The following SETD7 variants were observed in gnomAD, a reference collection of about 807,000 sequenced individuals.
SETD7 encodes histone-lysine N-methyltransferase SETD7.
A neutral mutation model predicts 41.8 loss-of-function variants in SETD7; 16 were observed. The ratio of observed to expected loss-of-function variants is 0.38; its 90% CI spans 0.26 to 0.58. The LOEUF is 0.58. Ranked by LOEUF, SETD7 falls within the 20% of genes least tolerant of loss-of-function variation. The pLI is 0.64. For missense variants in SETD7, 346 were observed against 459.7 expected, an observed-to-expected ratio of 0.75 and a Z score of 2.26; for synonymous variants, 163 against 169.7, an observed-to-expected ratio of 0.96 and a Z score of 0.31.
Position 139,511,078 on chromosome 4 carries a change from T to A in SETD7, c.*585A>T, listed in dbSNP as rs1468525359. The A allele has an allele frequency of 6.6e-6, 1 of 152,506 alleles. No individual in the cohort carries two copies. The highest frequency in any genetic ancestry group is 6.5e-5 in the Admixed American group (1 of 15,276). 9.4% of individuals were successfully genotyped at this position (152,506 alleles called of 1,614,324 possible). A position where few individuals can be genotyped will look rare whatever the true frequency, so the allele number is the denominator to read the frequency against. On this transcript the variant is annotated 3_prime_UTR_variant, in exon 8 of 8. Coordinates refer to ENST00000274031, the MANE Select transcript of SETD7 (RefSeq NM_030648.4). The stretch of plus-strand genomic sequence containing the variant: ...TTTGGAAGTTTTCTCTTGTAAAGGG[T>A]ATCTAAGAAAGAGAATAGGGCTGAG...
rs1726713896 is a variant in SETD7, at chr4:139,506,713, T to C, written c.*4950A>G. The C allele has an allele frequency of 6.6e-6, 1 of 152,634 alleles. No individual in the cohort carries two copies. Among genetic ancestry groups the C allele is most frequent in the South Asian group, 2.1e-4 (1 of 4,834 alleles). 9.5% of individuals were successfully genotyped at this position (152,634 alleles called of 1,614,324 possible). ...GACCAAAGTGGAAAAAAAACCCCAC[T>C]CAAGTTGAATATCATCATAAAGGAG... is the stretch of plus-strand genomic sequence containing the variant. On this transcript the variant is annotated 3_prime_UTR_variant, in exon 8 of 8. Coordinates refer to ENST00000274031, the MANE Select transcript of SETD7 (RefSeq NM_030648.4).
downstream of SETD7, among the ~76,000 whole-genome samples, chr4:139,494,979 T>C (rs1488395384): frequency 2.6e-5 from 4 of 152,248 alleles, no homozygotes; most frequent in Admixed American, 1.3e-4. Context: ...GTAAACATTA[T>C]ATGTAATGGC....
chr4:139,493,971 C>A (rs545011624), downstream of SETD7, among the ~76,000 whole-genome samples: 1 of 152,342 alleles, frequency 6.6e-6, no homozygotes, highest in South Asian at 2.1e-4. Context: ...GACTGCCTGC[C>A]TCCCTTGCCT....
intron 3 of SETD7, among the ~76,000 whole-genome samples, chr4:139,531,033 G>A (rs2111149552): frequency 6.6e-6 from 1 of 152,068 alleles, no homozygotes; most frequent in South Asian, 2.1e-4. Context: ...CTCCTCGTGG[G>A]GGGAGAAATC....
intron 2 of SETD7, among the ~76,000 whole-genome samples, chr4:139,539,136 C>T (rs952992215): frequency 6.6e-6 from 1 of 152,076 alleles, no homozygotes; most frequent in African/African-American, 2.4e-5. Flanking sequence ...GTTCTGGGGT[C>T]TAGGTTTTGG....
chr4:139,516,706 A>G (rs574748534), intron 7 of SETD7, among the ~76,000 whole-genome samples: 2 of 152,266 alleles, frequency 1.3e-5, no homozygotes, highest in Non-Finnish European at 2.9e-5. Context: ...TATAATTTAT[A>G]TACAGAGTAT....
At chr4:139,493,793 G>A (rs1234860920), downstream of SETD7, among the ~76,000 whole-genome samples, 1 of 152,136 alleles carries the variant, frequency 6.6e-6, no homozygotes, top group Non-Finnish European at 1.5e-5. Context: ...ACCCACCTTG[G>A]CCTCCCAGAG....
intron 1 of SETD7, among the ~76,000 whole-genome samples, chr4:139,554,009 A>C (rs1728186785): frequency 6.6e-6 from 1 of 152,208 alleles, no homozygotes; most frequent in Admixed American, 6.5e-5. Context: ...GGCACTGTGC[A>C]AGTTAGAGCC....
chr4:139,533,264 C>T lies in SETD7; in HGVS notation c.273G>A (p.Leu91=). The T allele has an allele frequency of 6.2e-7, 1 of 1,614,158 alleles. No individual in the cohort carries two copies. The highest frequency in any genetic ancestry group is 8.5e-7 in the Non-Finnish European group (1 of 1,179,986). ...TGTCATATTCCTGGGCTGGACCGTTCAGCTCTCCGTCTACATACGTGCCCT... is the reference window on the plus strand; with the variant it reads ...TGTCATATTCCTGGGCTGGACCGTTTAGCTCTCCGTCTACATACGTGCCCT... ...VLQGTYVDGE[L]NGPAQEYDTD... is the part of the protein sequence containing the mutation. Residue 91 remains leucine, a synonymous_variant, in exon 3 of 8, where the codon CTG becomes CTA. Coordinates refer to ENST00000274031, the MANE Select transcript of SETD7 (RefSeq NM_030648.4).
intron 3 of SETD7, among the ~76,000 whole-genome samples, chr4:139,530,355 CCTTTTT>C (rs1560684916): frequency 1.8e-5 from 1 of 56,868 alleles, no homozygotes; most frequent in Non-Finnish European, 3.5e-5. Context: ...CCAAATGCTG[CCTTTTT>C]TTTTTTTTTT....
Position 139,533,149 on chromosome 4 carries a change from C to G in SETD7, c.372+16G>C. The G allele has an allele frequency of 1.3e-6, 2 of 1,599,150 alleles. No homozygotes were observed. Among genetic ancestry groups the G allele is most frequent in the Non-Finnish European group, 1.7e-6 (2 of 1,166,356 alleles). On this transcript the variant is annotated intron_variant, in intron 3 of 7. Coordinates refer to ENST00000274031, the MANE Select transcript of SETD7 (RefSeq NM_030648.4). ...GTATGTTACTTTCCAGCAGAGTGAA[C>G]AGTCACACGGCTTACTGGGTAATAT...
intron 7 of SETD7, among the ~76,000 whole-genome samples, chr4:139,513,419 CAAA>C (rs201888132): frequency 7.2e-5 from 6 of 83,342 alleles, no homozygotes; most frequent in Non-Finnish European, 7.3e-5. Flanking sequence ...GACTTTGTCT[CAAA>C]AAAAAAAAAA....
intron 2 of SETD7, chr4:139,546,416 A>G (rs975477841): frequency 9.1e-6 from 2 of 220,010 alleles, no homozygotes; most frequent in African/African-American, 4.7e-5. Flanking sequence ...AGAACCAACA[A>G]GGTGGCAGAA....
chr4:139,541,481 C>T (rs1727776498), intron 2 of SETD7, among the ~76,000 whole-genome samples: 1 of 152,194 alleles, frequency 6.6e-6, no homozygotes, highest in African/African-American at 2.4e-5. Flanking sequence ...CAGATCCACA[C>T]CAACAAAGCC....
downstream of SETD7, among the ~76,000 whole-genome samples, chr4:139,504,781 A>C (rs1305984818): frequency 6.6e-6 from 1 of 152,140 alleles, no homozygotes. Flanking sequence ...TAATTTTCAC[A>C]TTACCTCATT....
intron 7 of SETD7, among the ~76,000 whole-genome samples, chr4:139,517,390 G>A (rs1323940971): frequency 4.0e-5 from 6 of 149,886 alleles, no homozygotes; most frequent in Admixed American, 6.6e-5. Context: ...CAGGAGAATC[G>A]CTTGAACCTG....
At chr4:139,515,234 T>C (rs1354698024) in intron 7 of SETD7, among the ~76,000 whole-genome samples, 2 of 150,372 alleles carry the variant, frequency 1.3e-5, no homozygotes, top group Non-Finnish European at 3.0e-5. Flanking sequence ...ATGAATACCA[T>C]AAATTGGTAT....
chr4:139,504,084 G>A (rs563373403), downstream of SETD7, among the ~76,000 whole-genome samples: 48 of 152,282 alleles, frequency 3.2e-4, no homozygotes, highest in African/African-American at 1.1e-3. Flanking sequence ...TGAATTAACT[G>A]TAGGGCCACT....
chr4:139,524,937 C>T (rs1727284225), intron 4 of SETD7, among the ~76,000 whole-genome samples: 1 of 152,184 alleles, frequency 6.6e-6, no homozygotes, highest in Non-Finnish European at 1.5e-5. Flanking sequence ...CTGCCTCAGC[C>T]TCCCAAGCAG....
Sources: allele counts gnomAD v4.1 joint callset (sites outside exome capture counted in the v4.1 genomes callset), GRCh38; gene constraint gnomAD v4.1.1; transcripts MANE v1.5; gene names NCBI Gene and HGNC (gene_info 2026-07-23, HGNC 2026-07-21).